Variants in F13A1 observed in about 807,000 individuals in gnomAD.
F13A1 encodes FSF, A subunit.
A neutral mutation model predicts 80.1 loss-of-function variants in F13A1; 47 were observed. The observed-to-expected ratio is 0.59, with a 90% confidence interval of 0.46 to 0.75. The LOEUF (loss-of-function observed/expected upper bound fraction) is 0.75, where lower values mean the gene tolerates loss of function less well. F13A1 is among the 30% of genes least tolerant of loss of function. The pLI is 0.00. For synonymous variants in F13A1, 349 were observed against 344.9 expected, an observed-to-expected ratio of 1.01 and a Z score of -0.13; for missense variants, 817 against 930.4, an observed-to-expected ratio of 0.88 and a Z score of 1.59.
rs144409291 is a variant in F13A1 at position 6,182,221 on chromosome 6, G to A, written c.1306-80C>T. On this transcript the variant is annotated intron_variant, in intron 10 of 14. Coordinates refer to ENST00000264870, the MANE Select transcript of F13A1 (RefSeq NM_000129.4). ...GTCTTTAACTGTCCATAGAGCAGTC[G>A]TCTAGAGATCTCTGGAGCTGACATG... 108 of 1,491,600 alleles carry A rather than the reference G, an allele frequency of 7.2e-5. 1 individual carries two copies. The Admixed American group carries it at 1.4e-3, about 19-fold the overall frequency. 92.4% of individuals were successfully genotyped at this position (1,491,600 alleles called of 1,614,324 possible). A position where few individuals can be genotyped will look rare whatever the true frequency, so the allele number is the denominator to read the frequency against.
chr6:6,233,291 A>G (rs1429953267), intron 6 of F13A1, among the ~76,000 whole-genome samples: 1 of 152,194 alleles, frequency 6.6e-6, no homozygotes, highest in East Asian at 1.9e-4. Context: ...ACTGAAATAC[A>G]AAAGATCATT....
chr6:6,274,142 T>C (rs369999124), intron 3 of F13A1, among the ~76,000 whole-genome samples: 60 of 152,328 alleles, frequency 3.9e-4, no homozygotes, highest in African/African-American at 1.4e-3. Flanking sequence ...GGGGGAAACT[T>C]TGTGAAGACA....
intron 1 of F13A1, among the ~76,000 whole-genome samples, chr6:6,320,102 G>A (rs375482117): frequency 2.0e-5 from 3 of 152,266 alleles, no homozygotes; most frequent in South Asian, 4.1e-4. Context: ...GCTTCTGGGC[G>A]GGTCTAAGGA....
In F13A1 at chr6:6,243,986, A is replaced by G. The variant is rs150310340; in HGVS notation, c.798+4326T>C. ...TATCAGTCGGGAGGCAGGAACAGGCATAGACAGGTAACCACGCCGCAGTAA... is the reference window on the plus strand; with the variant it reads ...TATCAGTCGGGAGGCAGGAACAGGCGTAGACAGGTAACCACGCCGCAGTAA... On this transcript the variant is annotated intron_variant, in intron 6 of 14. Transcript: ENST00000264870. This position sits in a 1 kb window ranked among gnomAD's most constrained non-coding sequence, Gnocchi z 4.2. Among the ~76,000 whole-genome samples the G allele has an allele frequency of 4.3e-4, 66 of 152,358 alleles. No homozygotes were observed. Among genetic ancestry groups the G allele is most frequent in the African/African-American group, 1.5e-3 (64 of 41,592 alleles).
At chr6:6,208,287 G>C (rs1009076751) in intron 8 of F13A1, among the ~76,000 whole-genome samples, 3 of 152,086 alleles carry the variant, frequency 2.0e-5, no homozygotes, top group African/African-American at 7.2e-5. Context: ...GAGTTAAGCA[G>C]GCAGAAAGAA....
rs1285899821 is a variant in F13A1, at chr6:6,210,270, T to C, written c.1112+11763A>G. Among the ~76,000 whole-genome samples, 4 of 136,982 alleles carry C rather than the reference T, an allele frequency of 2.9e-5. No homozygotes were observed. In the East Asian group the frequency reaches 6.1e-4, roughly 21 times the overall value. 89.9% of individuals were successfully genotyped at this position (136,982 alleles called of 152,430 possible). On this transcript the variant is annotated intron_variant, in intron 8 of 14. Transcript: ENST00000264870. The stretch of plus-strand genomic sequence containing the variant: ...ATAAATAAAAATATACTAAAAATTA[T>C]TGAATTGTGTACTTTACTTTAAAGG...
intron 10 of F13A1, among the ~76,000 whole-genome samples, chr6:6,185,844 TAA>T (rs1392494544): frequency 6.6e-6 from 1 of 152,184 alleles, no homozygotes; most frequent in African/African-American, 2.4e-5. Context: ...ATCAACAGTG[TAA>T]AAGTGTTCCT....
At chr6:6,170,443 T>C (rs1760752486) in intron 12 of F13A1, among the ~76,000 whole-genome samples, 1 of 152,236 alleles carries the variant, frequency 6.6e-6, no homozygotes, top group African/African-American at 2.4e-5. Flanking sequence ...TGCTGTGTTT[T>C]GCCACTGCAC....
intron 2 of F13A1, 126 bp downstream of exon 2, chr6:6,318,409 A>G: frequency 8.1e-7 from 1 of 1,236,834 alleles, no homozygotes; most frequent in Non-Finnish European, 1.1e-6. Flanking sequence ...AAAACCAGAG[A>G]TTGGCAGGGG....
chr6:6,178,624 C>T (rs1283021683), intron 11 of F13A1, among the ~76,000 whole-genome samples: 2 of 151,962 alleles, frequency 1.3e-5, no homozygotes, highest in East Asian at 3.9e-4. Flanking sequence ...TTAACACCAG[C>T]TATGTGGGAA....
Position 6,243,975 on chromosome 6 carries a change from C to T in F13A1, c.798+4337G>A, listed in dbSNP as rs541153788. Among the ~76,000 whole-genome samples, 1 of 152,292 alleles carries T rather than the reference C, an allele frequency of 6.6e-6. No homozygotes were observed. Among genetic ancestry groups the T allele is most frequent in the East Asian group, 1.9e-4 (1 of 5,180 alleles). On this transcript the variant is annotated intron_variant, in intron 6 of 14. Transcript: ENST00000264870. The surrounding 1 kb of genome is among the most constrained non-coding windows in gnomAD (Gnocchi z 4.2). ...CTGCCAGATCCTATCAGTCGGGAGG[C>T]AGGAACAGGCATAGACAGGTAACCA...
chr6:6,240,613 G>T (rs1757472232), intron 6 of F13A1, among the ~76,000 whole-genome samples: 1 of 152,112 alleles, frequency 6.6e-6, no homozygotes, highest in Non-Finnish European at 1.5e-5. Context: ...CTGCACTTTG[G>T]TTATTTATGG....
At chr6:6,298,214 T>C (rs1168532183) in intron 3 of F13A1, among the ~76,000 whole-genome samples, 2 of 145,322 alleles carry the variant, frequency 1.4e-5, no homozygotes, top group Non-Finnish European at 3.0e-5. Context: ...CTGAAAAAAA[T>C]GTATATTCTG....
At chr6:6,246,243 C>T (rs1757554280) in intron 6 of F13A1, among the ~76,000 whole-genome samples, 1 of 152,162 alleles carries the variant, frequency 6.6e-6, no homozygotes, top group African/African-American at 2.4e-5. Flanking sequence ...GACCAAAGAA[C>T]ACTTGATCTT....
intron 3 of F13A1, among the ~76,000 whole-genome samples, chr6:6,274,260 G>A (rs1385878560): frequency 6.6e-6 from 1 of 152,198 alleles, no homozygotes; most frequent in Non-Finnish European, 1.5e-5. Flanking sequence ...ACTTGTTAAG[G>A]TGTCTTTTCT....
At chr6:6,203,741 TTAC>T (rs547618526) in intron 8 of F13A1, among the ~76,000 whole-genome samples, 10 of 152,158 alleles carry the variant, frequency 6.6e-5, no homozygotes, top group Non-Finnish European at 1.5e-4. Flanking sequence ...TTTTAAGCTG[TTAC>T]GTTGTGGTAC....
At chr6:6,152,418 G>A (rs985270053) in intron 13 of F13A1, among the ~76,000 whole-genome samples, 3 of 152,138 alleles carry the variant, frequency 2.0e-5, no homozygotes, top group Non-Finnish European at 4.4e-5. Context: ...TGCCAAGGAT[G>A]GAGTCCTTAC....
At chr6:6,270,256 C>G (rs529582438) in intron 3 of F13A1, among the ~76,000 whole-genome samples, 11 of 152,138 alleles carry the variant, frequency 7.2e-5, no homozygotes, top group African/African-American at 2.4e-4. Flanking sequence ...TGAAGTCTAA[C>G]ACTTGAGCCT....
chr6:6,220,178 C>G (rs550936118), intron 8 of F13A1, among the ~76,000 whole-genome samples: 1 of 152,280 alleles, frequency 6.6e-6, no homozygotes, highest in South Asian at 2.1e-4. Flanking sequence ...GATCAGGCAT[C>G]ATGCGTTGAA....
Sources: allele counts gnomAD v4.1 joint callset (sites outside exome capture counted in the v4.1 genomes callset), GRCh38; gene constraint gnomAD v4.1.1; non-coding constraint Gnocchi (gnomAD v3.1); transcripts MANE v1.5; gene names NCBI Gene and HGNC (gene_info 2026-07-23, HGNC 2026-07-21).